MOSMO: variants seen among roughly 807,000 people sequenced by gnomAD.
MOSMO encodes modulator of smoothened protein.
MOSMO carries 5 observed loss-of-function variants against 18.4 expected under a neutral mutation model. The ratio of observed to expected loss-of-function variants is 0.27; its 90% confidence interval spans 0.14 to 0.57. The LOEUF is 0.57. Ranked by LOEUF, MOSMO falls within the 20% of genes least tolerant of loss-of-function variation. The pLI is 0.92. For synonymous variants in MOSMO, 82 were observed against 82.3 expected (o/e 1.00, Z 0.02); for missense variants, 138 against 211.8 (o/e 0.65, Z 2.16).
At chr16:22,049,915 G>T (rs182706049) in intron 1 of MOSMO, among the ~76,000 whole-genome samples, 2 of 152,022 alleles carry the variant, frequency 1.3e-5, no homozygotes, top group Admixed American at 1.3e-4. Context: ...GTTTGATTCC[G>T]TATTGTTGAT....
chr16:22,088,614 G>T (rs893078345), downstream of MOSMO, among the ~76,000 whole-genome samples: 1 of 152,170 alleles, frequency 6.6e-6, no homozygotes, highest in Admixed American at 6.5e-5. Flanking sequence ...CATTCTCTAC[G>T]TTTAGAGAAG....
At chr16:22,011,234 G>C (rs1447811042) in intron 1 of MOSMO, among the ~76,000 whole-genome samples, 3 of 152,066 alleles carry the variant, frequency 2.0e-5, no homozygotes, top group Admixed American at 2.0e-4. Context: ...ATGTCATTTT[G>C]GTACTAAGGT....
intron 2 of MOSMO, among the ~76,000 whole-genome samples, chr16:22,079,341 A>G (rs1901034329): frequency 6.6e-6 from 1 of 152,194 alleles, no homozygotes; most frequent in Non-Finnish European, 1.5e-5. Context: ...TACACTGAAG[A>G]AGTATTTCTG....
chr16:22,032,916 TC>T (rs1336958999), intron 1 of MOSMO, among the ~76,000 whole-genome samples: 4 of 152,162 alleles, frequency 2.6e-5, no homozygotes, highest in African/African-American at 9.7e-5. Flanking sequence ...TATCCAATTG[TC>T]CCACTGCTAC....
intron 2 of MOSMO, among the ~76,000 whole-genome samples, chr16:22,078,657 T>G (rs1458753480): frequency 2.0e-5 from 3 of 152,208 alleles, no homozygotes; most frequent in East Asian, 1.9e-4. Flanking sequence ...TTCTTGAGAT[T>G]AGTCAACATT....
At chr16:22,075,722 A>AT in intron 2 of MOSMO, 23 bp downstream of exon 2, 1 of 1,371,382 alleles carries the variant, frequency 7.3e-7, no homozygotes, top group South Asian at 1.4e-5. Context: ...TGCTTACTAA[A>AT]TTTGTCTAGA....
intron 2 of MOSMO, among the ~76,000 whole-genome samples, chr16:22,080,385 G>A (rs939463195): frequency 1.3e-5 from 2 of 152,118 alleles, no homozygotes; most frequent in Non-Finnish European, 2.9e-5. Context: ...TCTAGCTAGT[G>A]CCCTTAATTA....
At position 22,080,784 on chromosome 16, in the gene MOSMO, C is replaced by T. The variant is rs1411235834; in HGVS notation, c.408C>T (p.Asn136=). ...GTCAACCTTATAAATTACCCAACAACACAGTAGTTGGGTCATCATATGTAC... is the reference window on the plus strand; with the variant it reads ...GTCAACCTTATAAATTACCCAACAATACAGTAGTTGGGTCATCATATGTAC... The part of the protein sequence containing the change: ...VGGQPYKLPN[N]TVVGSSYVLF... The change falls in exon 3 of 3, where the codon AAC becomes AAT. Residue 136 remains asparagine (N), a synonymous_variant. Transcript: ENST00000542527. The T allele has an allele frequency of 1.3e-6, 2 of 1,498,848 alleles. No homozygotes were observed. The highest frequency in any genetic ancestry group is 2.6e-5 in the East Asian group (1 of 38,514). The allele number at this position is 1,498,848 out of a possible 1,614,324, so 92.8% of individuals were successfully genotyped here. A position where few individuals can be genotyped will look rare whatever the true frequency, so the allele number is the denominator to read the frequency against.
In MOSMO at chr16:22,075,511, G is replaced by A. The variant is rs755818056; in HGVS notation, c.131G>A (p.Arg44Gln). Residue 44 changes from arginine (R) to glutamine (Q), a missense_variant, in exon 2 of 3, where the codon CGA becomes CAA. Arg to Gln is a conservative substitution (Grantham distance 43). Coordinates refer to ENST00000542527, the MANE Select transcript of MOSMO (RefSeq NM_001164579.2). Reference protein sequence around the residue: ...SAGALTVGLVRQCQTIHGRDR... With the variant: ...SAGALTVGLVQQCQTIHGRDR... ...GGAGCACTCACTGTGGGCCTCGTGC[G>A]ACAGTGTCAAACAATCCATGGACGA... 109 of 1,537,152 alleles carry A rather than the reference G, an allele frequency of 7.1e-5. 1 individual carries two copies. Among genetic ancestry groups the A allele is most frequent in the East Asian group, 9.8e-5 (4 of 40,922 alleles).
intron 1 of MOSMO, among the ~76,000 whole-genome samples, chr16:22,051,336 C>T (rs1353325923): frequency 2.7e-5 from 4 of 150,566 alleles, no homozygotes; most frequent in Non-Finnish European, 4.4e-5. Flanking sequence ...TGCAGTGAGC[C>T]AAGATGGTGC....
At chr16:22,064,499 G>C (rs1900712420) in intron 1 of MOSMO, 1 of 439,524 alleles carries the variant, frequency 2.3e-6, no homozygotes, top group African/African-American at 2.0e-5. Flanking sequence ...AATTGAAATG[G>C]AATAGAAAAT....
At chr16:22,046,219 T>G (rs1567507536) in intron 1 of MOSMO, among the ~76,000 whole-genome samples, 1 of 152,228 alleles carries the variant, frequency 6.6e-6, no homozygotes, top group Non-Finnish European at 1.5e-5. Flanking sequence ...ATTTAAAGAC[T>G]AGAGCTATTG....
chr16:22,018,601 C>T (rs1050844751), intron 1 of MOSMO, among the ~76,000 whole-genome samples: 16 of 152,132 alleles, frequency 1.1e-4, no homozygotes, highest in Non-Finnish European at 1.5e-4. Flanking sequence ...ATGCTATTGA[C>T]GTATTTGTGG....
At chr16:22,011,966 C>T (rs1391649702) in intron 1 of MOSMO, among the ~76,000 whole-genome samples, 1 of 148,766 alleles carries the variant, frequency 6.7e-6, no homozygotes, top group East Asian at 1.9e-4. Flanking sequence ...AGAGTTACAC[C>T]TTCCAAATCA....
At chr16:22,071,412 C>T (rs914921692) in intron 1 of MOSMO, among the ~76,000 whole-genome samples, 1 of 152,216 alleles carries the variant, frequency 6.6e-6, no homozygotes, top group Non-Finnish European at 1.5e-5. Context: ...TGGCCGTGCG[C>T]CTTTCTGCCT....
chr16:22,053,252 C>T (rs976243049), intron 1 of MOSMO, among the ~76,000 whole-genome samples: 2 of 151,880 alleles, frequency 1.3e-5, no homozygotes, highest in African/African-American at 2.4e-5. Flanking sequence ...CATGAGCCAC[C>T]GCACACCCAG....
chr16:22,078,850 C>T (rs1901023786), intron 2 of MOSMO, among the ~76,000 whole-genome samples: 1 of 152,084 alleles, frequency 6.6e-6, no homozygotes, highest in Non-Finnish European at 1.5e-5. Flanking sequence ...TTATTTGTTG[C>T]TGACTATGCA....
At chr16:22,024,511 C>T (rs969966057) in intron 1 of MOSMO, among the ~76,000 whole-genome samples, 1 of 151,848 alleles carries the variant, frequency 6.6e-6, no homozygotes, top group Admixed American at 6.6e-5. Flanking sequence ...ACTATATAGG[C>T]TTATGCCACC....
At chr16:22,035,234 C>A (rs1198300057) in intron 1 of MOSMO, among the ~76,000 whole-genome samples, 1 of 151,976 alleles carries the variant, frequency 6.6e-6, no homozygotes, top group African/African-American at 2.4e-5. Flanking sequence ...GTGCCTTGCC[C>A]CACTTAGGTG....
Sources: gnomAD v4.1 joint callset for allele counts (sites outside exome capture counted in the v4.1 genomes callset) on GRCh38, gnomAD v4.1.1 for gene constraint, MANE v1.5 for transcripts, NCBI Gene and HGNC (gene_info 2026-07-23, HGNC 2026-07-21) for gene names.